Variants in ZPBP observed in about 807,000 individuals in gnomAD.
The protein encoded by ZPBP is zona pellucida binding protein.
In ZPBP, 26 loss-of-function variants were observed where a neutral mutation model predicts 44.8. The ratio of observed to expected loss-of-function variants is 0.58; its 90% CI spans 0.43 to 0.81. The LOEUF is 0.81. Ranked by LOEUF, ZPBP falls within the 30% of genes least tolerant of loss-of-function variation. The pLI, the probability that ZPBP is intolerant of heterozygous loss-of-function variation, is 0.00. For synonymous variants in ZPBP, 174 were observed against 153.2 expected, an observed-to-expected ratio of 1.14 and a Z score of -1.00; for missense variants, 409 against 434.0, an observed-to-expected ratio of 0.94 and a Z score of 0.51.
intron 6 of ZPBP, among the ~76,000 whole-genome samples, chr7:50,009,445 G>C (rs1009185784): frequency 2.0e-5 from 3 of 151,776 alleles, no homozygotes. Flanking sequence ...CTCTCATTCT[G>C]CACCCCACTT....
At position 50,056,923 on chromosome 7, in the gene ZPBP, T is replaced by C. The variant is rs148073580; in HGVS notation, c.487+1066A>G. ...GGCCTTGGCTAGGTGTGGTGGCTCA[T>C]GCCTGTAATCCCAGCACTTTGGGAG... On this transcript the variant is annotated intron_variant, in intron 4 of 7. Transcript: ENST00000046087. 4.8e-3 allele frequency among the ~76,000 whole-genome samples: 726 copies of C among 152,178 alleles called. 2 individuals carry two copies. The highest frequency in any genetic ancestry group is 0.016 in the African/African-American group (678 of 41,554).
At chr7:50,017,783 G>A (rs545124900) in intron 6 of ZPBP, among the ~76,000 whole-genome samples, 22 of 152,128 alleles carry the variant, frequency 1.4e-4, no homozygotes, top group African/African-American at 5.1e-4. Flanking sequence ...TAAGTATAAT[G>A]TAAAAAACAA....
chr7:49,853,532 G>A (rs936074255), intron 2 of ZPBP, among the ~76,000 whole-genome samples: 2 of 151,510 alleles, frequency 1.3e-5, no homozygotes. Context: ...CTAAGTTTTT[G>A]GTTTTTTTTT....
chr7:49,972,156 T>C (rs1302999018), intron 7 of ZPBP, among the ~76,000 whole-genome samples: 1 of 151,704 alleles, frequency 6.6e-6, no homozygotes, highest in Non-Finnish European at 1.5e-5. Flanking sequence ...TATGAAATGA[T>C]GAAAGCATTT....
intron 7 of ZPBP, among the ~76,000 whole-genome samples, chr7:49,969,047 T>A (rs1361048992): frequency 6.6e-6 from 1 of 151,548 alleles, no homozygotes; most frequent in Non-Finnish European, 1.5e-5. Context: ...TGGGCCAGGA[T>A]GGGCTGTAAA....
intron 2 of ZPBP, among the ~76,000 whole-genome samples, chr7:49,860,959 A>G (rs1038633738): frequency 6.6e-6 from 1 of 152,206 alleles, no homozygotes; most frequent in African/African-American, 2.4e-5. Flanking sequence ...GAACCATGAG[A>G]AAATACATTT....
chr7:49,954,841 AGAAG>A (rs1795506631), intron 7 of ZPBP, among the ~76,000 whole-genome samples: 1 of 152,218 alleles, frequency 6.6e-6, no homozygotes, highest in African/African-American at 2.4e-5. Flanking sequence ...ACAGGGATAT[AGAAG>A]ATTAACTTAC....
At chr7:49,958,699 G>C (rs1795714315) in intron 7 of ZPBP, among the ~76,000 whole-genome samples, 1 of 152,180 alleles carries the variant, frequency 6.6e-6, no homozygotes, top group African/African-American at 2.4e-5. Context: ...TATGATAGCA[G>C]CACAAAACAG....
intron 2 of ZPBP, among the ~76,000 whole-genome samples, chr7:49,873,362 C>T (rs537112977): frequency 6.6e-6 from 1 of 152,244 alleles, no homozygotes; most frequent in African/African-American, 2.4e-5. Flanking sequence ...GGAGGGAGAG[C>T]AGGAGCTCTC....
chr7:49,906,931 TA>T (rs938830935), intron 1 of ZPBP, among the ~76,000 whole-genome samples: 6 of 151,360 alleles, frequency 4.0e-5, no homozygotes, highest in African/African-American at 4.8e-5. Flanking sequence ...AAGCAGATGA[TA>T]AAAAAAAATG....
chr7:49,917,913 T>C (rs974111907), intron 1 of ZPBP: 1 of 152,172 alleles, frequency 6.6e-6, no homozygotes, highest in Admixed American at 6.6e-5. Flanking sequence ...TCTATTTTCA[T>C]TTCTATTAGT....
At chr7:50,077,545 A>C (rs183556767) in intron 3 of ZPBP, among the ~76,000 whole-genome samples, 1 of 151,958 alleles carries the variant, frequency 6.6e-6, no homozygotes, top group African/African-American at 2.4e-5. Flanking sequence ...AAACAACTAT[A>C]GGAAAAAAAA....
At chr7:49,977,931 A>G (rs995953857) in intron 7 of ZPBP, among the ~76,000 whole-genome samples, 1 of 152,178 alleles carries the variant, frequency 6.6e-6, no homozygotes, top group Non-Finnish European at 1.5e-5. Context: ...AACGTTGGAT[A>G]TGTTTTGAGA....
chr7:49,935,774 T>G (rs1379471778), downstream of ZPBP: 1 of 152,238 alleles, frequency 6.6e-6, no homozygotes, highest in Non-Finnish European at 1.5e-5. Context: ...CAGATATTTG[T>G]GTGGTCTCAT....
chr7:49,882,288 GT>G (rs1317923339), intron 2 of ZPBP, among the ~76,000 whole-genome samples: 2 of 152,070 alleles, frequency 1.3e-5, no homozygotes, highest in African/African-American at 2.4e-5. Context: ...ATTTCTCTTT[GT>G]TCTGCTAAGC....
intron 1 of ZPBP, chr7:49,915,851 T>C (rs1369424314): frequency 2.6e-5 from 4 of 152,206 alleles, no homozygotes; most frequent in African/African-American, 9.6e-5. Context: ...TAAGCATCAT[T>C]GGTAAAAACA....
intron 6 of ZPBP, among the ~76,000 whole-genome samples, chr7:50,001,652 A>G (rs1277402445): frequency 6.6e-6 from 1 of 152,142 alleles, no homozygotes; most frequent in East Asian, 1.9e-4. Context: ...AATGAAGGAG[A>G]ATAATCCATT....
At chr7:49,859,488 T>C (rs1165709206) in intron 2 of ZPBP, among the ~76,000 whole-genome samples, 1 of 152,208 alleles carries the variant, frequency 6.6e-6, no homozygotes, top group African/African-American at 2.4e-5. Flanking sequence ...ATCTGATTTT[T>C]TTTCTTGTTG....
chr7:49,855,243 T>C (rs1181008276), intron 2 of ZPBP, among the ~76,000 whole-genome samples: 1 of 152,196 alleles, frequency 6.6e-6, no homozygotes, highest in African/African-American at 2.4e-5. Context: ...TGTTTTACAA[T>C]AAATGGTTGA....
Sources: gnomAD v4.1 joint callset for allele counts (sites outside exome capture counted in the v4.1 genomes callset) on GRCh38, gnomAD v4.1.1 for gene constraint, MANE v1.5 for transcripts, NCBI Gene and HGNC (gene_info 2026-07-23, HGNC 2026-07-21) for gene names.